Variants in TOM1L2 observed in about 807,000 individuals in gnomAD.
The protein encoded by TOM1L2 is target of myb1 like 2 membrane trafficking protein.
In TOM1L2, 31 loss-of-function variants were observed where a neutral mutation model predicts 67.9. The observed-to-expected ratio is 0.46, with a 90% confidence interval of 0.34 to 0.62. The LOEUF is 0.62. Ranked by LOEUF, TOM1L2 falls within the 20% of genes least tolerant of loss-of-function variation. TOM1L2 has a pLI of 0.01. For missense variants in TOM1L2, 606 were observed against 663.5 expected (o/e 0.91, Z 0.95); for synonymous variants, 256 against 254.0 (o/e 1.01, Z -0.07).
At chr17:17,867,942 G>C (rs1333674554) in intron 8 of TOM1L2, among the ~76,000 whole-genome samples, 1 of 152,202 alleles carries the variant, frequency 6.6e-6, no homozygotes, top group African/African-American at 2.4e-5. Flanking sequence ...TGAACAATGA[G>C]TATCATCAAA....
chr17:17,956,961 G>A (rs2041484282), intron 1 of TOM1L2, among the ~76,000 whole-genome samples: 1 of 152,254 alleles, frequency 6.6e-6, no homozygotes. Context: ...CACAGCCAGA[G>A]AAGGCATCGG....
At chr17:17,883,351 C>T (rs762619592) in intron 5 of TOM1L2, among the ~76,000 whole-genome samples, 73 of 152,204 alleles carry the variant, frequency 4.8e-4, no homozygotes, top group Admixed American at 4.1e-3. Context: ...TGCTCTCTGT[C>T]ATTATTAGAA....
chr17:17,916,584 G>A (rs962741572), intron 1 of TOM1L2, among the ~76,000 whole-genome samples: 4 of 152,120 alleles, frequency 2.6e-5, no homozygotes, highest in South Asian at 2.1e-4. Flanking sequence ...GACCATATAC[G>A]GGAGAGTTTA....
chr17:17,971,930 C>T (rs2042109543), intron 1 of TOM1L2, among the ~76,000 whole-genome samples: 1 of 151,874 alleles, frequency 6.6e-6, no homozygotes, highest in Admixed American at 6.6e-5. Context: ...GGGATAGCAC[C>T]GGCACCCGGC....
intron 4 of TOM1L2, among the ~76,000 whole-genome samples, chr17:17,888,798 GAAAGGCTCAGGGATGGC>G (rs2038121821): frequency 6.6e-6 from 1 of 152,220 alleles, no homozygotes; most frequent in Non-Finnish European, 1.5e-5. Flanking sequence ...AATTTCAAGG[GAAAGGCTCAGGGATGGC>G]ATAGAGTGGG....
chr17:17,942,219 C>T (rs867465366), intron 1 of TOM1L2, among the ~76,000 whole-genome samples: 14 of 152,196 alleles, frequency 9.2e-5, no homozygotes, highest in African/African-American at 3.4e-4. Context: ...AAGGACCAGA[C>T]GACCCTGATC....
intron 1 of TOM1L2, among the ~76,000 whole-genome samples, chr17:17,964,349 T>G (rs1271814398): frequency 6.6e-6 from 1 of 152,218 alleles, no homozygotes; most frequent in Admixed American, 6.5e-5. Context: ...ATTTACACCG[T>G]TTTCCTTTCC....
At chr17:17,869,737 T>C in intron 7 of TOM1L2, 4 of 1,101,480 alleles carry the variant, frequency 3.6e-6, no homozygotes, top group Non-Finnish European at 4.5e-6. Context: ...GTACAAATCA[T>C]TAAAAAATAT....
chr17:17,869,198 C>G (rs2143835880), intron 8 of TOM1L2, 142 bp downstream of exon 8: 1 of 1,475,972 alleles, frequency 6.8e-7, no homozygotes, highest in Admixed American at 2.3e-5. Context: ...CAGCCGGGAA[C>G]AAATTAGCAT....
chr17:17,848,729 G>T, intron 14 of TOM1L2, 94 bp downstream of exon 14: 1 of 1,426,410 alleles, frequency 7.0e-7, no homozygotes, highest in Non-Finnish European at 9.8e-7. Flanking sequence ...TAGGTGCTCT[G>T]GCAGCGGGGG....
In TOM1L2 at chr17:17,882,769, G is replaced by C. The variant is rs1382920456; in HGVS notation, c.596C>G (p.Pro199Arg). The C allele has an allele frequency of 3.7e-6, 6 of 1,614,092 alleles. No individual in the cohort carries two copies. The highest frequency in any genetic ancestry group is 5.1e-6 in the Non-Finnish European group (6 of 1,180,042). Residue 199 changes from proline (P) to arginine (R), a missense_variant, in exon 6 of 15, where the codon CCC becomes CGC. Transcript: ENST00000379504. ...AGCTGGGGCCTGCGGTGCGGAGTAG[G>C]GAGCAGGAGGCGGCGAGGAATAGGA... ...AGSYSSPPPAPYSAPQAPALS... is the reference protein window; with the variant it reads ...AGSYSSPPPARYSAPQAPALS...
chr17:17,879,939 T>C (rs2037630833), intron 6 of TOM1L2, among the ~76,000 whole-genome samples, 196 bp from the exon 7 acceptor site: 1 of 152,176 alleles, frequency 6.6e-6, no homozygotes, highest in African/African-American at 2.4e-5. Context: ...GAGAGCTGAA[T>C]GGGCCCTGCC....
rs1275869305 is a variant in TOM1L2 at position 17,940,702 on chromosome 17, A to G, written c.52+31560T>C. On this transcript the variant is annotated intron_variant, in intron 1 of 14. Transcript: ENST00000379504. ...TTTTCCTAATTAAAGGCTGGTCTCC[A>G]CAGCTGTCATTGGGGTGACCTCGCT... 3.3e-5 allele frequency among the ~76,000 whole-genome samples: 5 copies of G among 152,228 alleles called. No individual in the cohort carries two copies. The East Asian group carries it at 9.6e-4, about 29-fold the overall frequency.
rs573086463 is a variant in TOM1L2, at chr17:17,970,416, C to T, written c.52+1846G>A. On this transcript the variant is annotated intron_variant, in intron 1 of 14. Coordinates refer to ENST00000379504, the MANE Select transcript of TOM1L2 (RefSeq NM_001082968.2). ...TTCTACCCCTCATTTACTACCTTGT[C>T]ATTTTAAAGGTGTAGAGCTTCCTAT... Among the ~76,000 whole-genome samples, 156 of 152,264 alleles carry T rather than the reference C, an allele frequency of 1.0e-3. 2 individuals carry two copies. In the South Asian group the frequency reaches 0.015, roughly 15 times the overall value.
intron 12 of TOM1L2, among the ~76,000 whole-genome samples, chr17:17,856,495 C>A (rs913649612): frequency 6.6e-6 from 1 of 152,236 alleles, no homozygotes; most frequent in Non-Finnish European, 1.5e-5. Flanking sequence ...GGTGATCCTG[C>A]ATGGCCCAAG....
chr17:17,951,549 T>C (rs990017280), intron 1 of TOM1L2, among the ~76,000 whole-genome samples: 4 of 152,158 alleles, frequency 2.6e-5, no homozygotes, highest in Non-Finnish European at 4.4e-5. Flanking sequence ...AGCAGACAGG[T>C]AAGGCAAATA....
chr17:17,964,266 C>T (rs1435570199), intron 1 of TOM1L2, among the ~76,000 whole-genome samples: 4 of 152,176 alleles, frequency 2.6e-5, no homozygotes, highest in Admixed American at 6.6e-5. Context: ...ACTAGGTTAG[C>T]GCAACATTTC....
chr17:17,970,199 C>T (rs867622439), intron 1 of TOM1L2, among the ~76,000 whole-genome samples: 3 of 151,936 alleles, frequency 2.0e-5, no homozygotes, highest in Admixed American at 6.6e-5. Flanking sequence ...GGACTACAGG[C>T]GCATGCCACC....
At chr17:17,951,676 G>C (rs549710347) in intron 1 of TOM1L2, among the ~76,000 whole-genome samples, 1 of 152,344 alleles carries the variant, frequency 6.6e-6, no homozygotes, top group South Asian at 2.1e-4. Context: ...GGGAGGCCAA[G>C]GATGCAGGAG....
Sources: allele counts gnomAD v4.1 joint callset (sites outside exome capture counted in the v4.1 genomes callset), GRCh38; gene constraint gnomAD v4.1.1; transcripts MANE v1.5; gene names NCBI Gene and HGNC (gene_info 2026-07-23, HGNC 2026-07-21).